Variants in ME1 observed in about 807,000 individuals in gnomAD.
The protein encoded by ME1 is malic enzyme 1, also known as NADP-dependent malic enzyme.
ME1 carries 74 observed loss-of-function variants against 66.4 expected under a neutral mutation model. The observed-to-expected ratio is 1.11, with a 90% CI of 0.92 to 1.35. The LOEUF (loss-of-function observed/expected upper bound fraction) is 1.35, where lower values mean the gene tolerates loss of function less well. Among genes scored for constraint, ME1 ranks in the 40% most tolerant of loss-of-function variants. The probability of loss-of-function intolerance (pLI) is 0.00; values close to 1 mark genes in which losing one functional copy is unlikely to be tolerated. For synonymous variants in ME1, 251 were observed against 235.6 expected (o/e 1.07, Z -0.60); for missense variants, 750 against 694.1 (o/e 1.08, Z -0.90).
intron 12 of ME1, among the ~76,000 whole-genome samples, chr6:83,217,424 GA>G (rs768254793): frequency 6.6e-6 from 1 of 152,126 alleles, no homozygotes; most frequent in Non-Finnish European, 1.5e-5. Flanking sequence ...TTTAAATCAT[GA>G]AATTATTTCC....
chr6:83,293,348 T>A (rs990073147), intron 6 of ME1, among the ~76,000 whole-genome samples: 1 of 152,134 alleles, frequency 6.6e-6, no homozygotes, highest in Non-Finnish European at 1.5e-5. Context: ...CATCGTACAA[T>A]GGATCTCTAG....
intron 7 of ME1, among the ~76,000 whole-genome samples, chr6:83,243,681 T>C (rs1428044279): frequency 1.5e-5 from 2 of 129,498 alleles, no homozygotes; most frequent in Non-Finnish European, 3.1e-5. Context: ...ATCGATATAA[T>C]CTATTATAAT....
At chr6:83,222,072 T>C (rs927540582) in intron 12 of ME1, among the ~76,000 whole-genome samples, 1 of 152,190 alleles carries the variant, frequency 6.6e-6, no homozygotes, top group Non-Finnish European at 1.5e-5. Flanking sequence ...ACGGAATTTG[T>C]CACTAGAGGG....
At chr6:83,346,423 G>A (rs921999876) in intron 4 of ME1, 89 bp from the exon 5 acceptor site, 3 of 737,722 alleles carry the variant, frequency 4.1e-6, no homozygotes, top group African/African-American at 3.6e-5. Context: ...TACTACTAGT[G>A]AAATAGTAAG....
At chr6:83,255,428 G>A (rs1562461132) in intron 6 of ME1, among the ~76,000 whole-genome samples, 1 of 151,668 alleles carries the variant, frequency 6.6e-6, no homozygotes, top group South Asian at 2.1e-4. Context: ...TATGTGGTTA[G>A]ATCTTTCAAT....
chr6:83,212,914 CT>C (rs1012192423), intron 13 of ME1, among the ~76,000 whole-genome samples: 1 of 151,998 alleles, frequency 6.6e-6, no homozygotes, highest in African/African-American at 2.4e-5. Flanking sequence ...CTTAATTTCC[CT>C]TTTGACCAAC....
At chr6:83,293,255 G>A (rs572167238) in intron 6 of ME1, among the ~76,000 whole-genome samples, 43 of 152,196 alleles carry the variant, frequency 2.8e-4, no homozygotes, top group African/African-American at 5.3e-4. Flanking sequence ...AGACCAGAGC[G>A]TTCCTATTCG....
chr6:83,304,076 T>C (rs1203615062), intron 6 of ME1, among the ~76,000 whole-genome samples: 2 of 152,176 alleles, frequency 1.3e-5, no homozygotes, highest in Admixed American at 1.3e-4. Context: ...ATTTGTTTTA[T>C]ATGTTTTCTC....
intron 6 of ME1, among the ~76,000 whole-genome samples, chr6:83,276,523 C>G (rs2128532180): frequency 6.6e-6 from 1 of 152,278 alleles, no homozygotes; most frequent in East Asian, 1.9e-4. Context: ...CAAAAGTGGA[C>G]AGCTTATCCA....
chr6:83,225,504 T>C (rs1025975086), intron 11 of ME1, among the ~76,000 whole-genome samples: 3 of 152,080 alleles, frequency 2.0e-5, no homozygotes, highest in Non-Finnish European at 2.9e-5. Flanking sequence ...AATATTAACC[T>C]ATTTTTAGCA....
rs544708118 is a variant in ME1 at position 83,303,505 on chromosome 6, T to C, written c.704+11805A>G. Among the ~76,000 whole-genome samples, 8 of 152,268 alleles carry C rather than the reference T, an allele frequency of 5.3e-5. No individual in the cohort carries two copies. The South Asian group carries it at 1.7e-3, about 32-fold the overall frequency. On this transcript the variant is annotated intron_variant, in intron 6 of 13. Transcript: ENST00000369705. ...TTGGGTAGCAAGGGAAAGCTAAAGC[T>C]TACTGAAGTTTATTAAAGTTGTTTT...
chr6:83,261,739 C>T (rs1405070708), intron 6 of ME1, among the ~76,000 whole-genome samples: 2 of 152,060 alleles, frequency 1.3e-5, no homozygotes, highest in Admixed American at 6.5e-5. Context: ...ATAGGCCGGG[C>T]GCGGTGGCTC....
At chr6:83,430,005 G>A (rs1770452767) in intron 1 of ME1, among the ~76,000 whole-genome samples, 2 of 152,020 alleles carry the variant, frequency 1.3e-5, no homozygotes, top group African/African-American at 2.4e-5. Context: ...TAAATTCGGA[G>A]GTATTTTTTA....
At chr6:83,412,588 T>C (rs1704112826) in intron 1 of ME1, among the ~76,000 whole-genome samples, 1 of 152,160 alleles carries the variant, frequency 6.6e-6, no homozygotes, top group Non-Finnish European at 1.5e-5. Flanking sequence ...GCAAATAATT[T>C]GAAACAACAA....
Position 83,429,683 on chromosome 6 carries a change from C to T in ME1, c.78+1194G>A, listed in dbSNP as rs146845567. Among the ~76,000 whole-genome samples, 726 of 148,866 alleles carry T rather than the reference C, an allele frequency of 4.9e-3. 3 individuals carry two copies. Among genetic ancestry groups the T allele is most frequent in the African/African-American group, 0.016 (668 of 40,788 alleles). On this transcript the variant is annotated intron_variant, in intron 1 of 13. Coordinates refer to ENST00000369705, the MANE Select transcript of ME1 (RefSeq NM_002395.6). ...CACAGTCATAGATTTGTAAAAGGTG[C>T]CTGTCACCACACACACAAAAAAAAT...
At chr6:83,243,802 T>C (rs1790559577) in intron 7 of ME1, among the ~76,000 whole-genome samples, 1 of 135,572 alleles carries the variant, frequency 7.4e-6, no homozygotes, top group Non-Finnish European at 1.5e-5. Context: ...TATATTTATA[T>C]ATTATATATT....
At chr6:83,273,045 T>C (rs1449268300) in intron 6 of ME1, among the ~76,000 whole-genome samples, 2 of 151,578 alleles carry the variant, frequency 1.3e-5, no homozygotes, top group Non-Finnish European at 2.9e-5. Context: ...GGCATGGTGG[T>C]GGGCACCTGT....
chr6:83,290,048 G>A (rs1767471433), intron 6 of ME1, among the ~76,000 whole-genome samples: 1 of 151,342 alleles, frequency 6.6e-6, no homozygotes, highest in African/African-American at 2.4e-5. Flanking sequence ...CTTGCTAGAG[G>A]GCTATTTTGT....
At chr6:83,239,952 A>G (rs965616945) in intron 7 of ME1, among the ~76,000 whole-genome samples, 3 of 152,236 alleles carry the variant, frequency 2.0e-5, no homozygotes, top group Admixed American at 6.5e-5. Context: ...TGACTAGCTG[A>G]AAGAATTTAG....
Sources: allele counts gnomAD v4.1 joint callset (sites outside exome capture counted in the v4.1 genomes callset), GRCh38; gene constraint gnomAD v4.1.1; transcripts MANE v1.5; gene names NCBI Gene and HGNC (gene_info 2026-07-23, HGNC 2026-07-21).